Variants in IFIH1 observed in about 807,000 individuals in gnomAD.
IFIH1 encodes the protein interferon induced with helicase C domain 1, also known as interferon-induced helicase C domain-containing protein 1.
A neutral mutation model predicts 107.4 loss-of-function variants in IFIH1; 125 were observed. That is an observed-to-expected ratio of 1.16 (90% CI 1.01 to 1.35). The LOEUF (loss-of-function observed/expected upper bound fraction) is 1.35. Ranked by LOEUF, IFIH1 falls within the 40% of genes most tolerant of loss-of-function variation. The pLI is 0.00. For missense variants in IFIH1, 1,333 were observed against 1,213.7 expected, an observed-to-expected ratio of 1.10 and a Z score of -1.46; for synonymous variants, 458 against 413.2, an observed-to-expected ratio of 1.11 and a Z score of -1.31.
rs1337338749 is a variant in IFIH1 at position 162,293,551 on chromosome 2, A to C, written c.874+13T>G. On this transcript the variant is annotated intron_variant, in intron 4 of 15. Transcript: ENST00000649979. ...TCACACTTTTTAAGGTTTACACAACAGTTAGGCAGTACCTGAATCACTTCC... is the reference window on the plus strand; with the variant it reads ...TCACACTTTTTAAGGTTTACACAACCGTTAGGCAGTACCTGAATCACTTCC... The C allele has an allele frequency of 1.3e-6, 2 of 1,558,406 alleles. No homozygotes were observed. The highest frequency in any genetic ancestry group is 1.1e-5 in the South Asian group (1 of 89,554).
chr2:162,288,897 T>G (rs1021408287), intron 4 of IFIH1, among the ~76,000 whole-genome samples: 2 of 149,148 alleles, frequency 1.3e-5, no homozygotes, highest in African/African-American at 5.0e-5. Flanking sequence ...AAACTTTATC[T>G]GACAACCAAA....
intron 1 of IFIH1, among the ~76,000 whole-genome samples, chr2:162,313,853 C>T (rs1415086674): frequency 2.6e-5 from 4 of 151,936 alleles, no homozygotes; most frequent in Non-Finnish European, 4.4e-5. Context: ...CTTATCTTTC[C>T]TAATTTGCCA....
rs187100003 is a variant in IFIH1, at chr2:162,282,269, A to G, written c.1306+97T>C. 2.6e-5 allele frequency: 20 copies of G among 767,092 alleles called. No homozygotes were observed. The East Asian group carries it at 5.6e-4, about 21-fold the overall frequency. The allele number at this position is 767,092 out of a possible 1,614,324, so 47.5% of individuals were successfully genotyped here. A position where few individuals can be genotyped will look rare whatever the true frequency, so the allele number is the denominator to read the frequency against. ...ATAAAACCATAAGCAATAAAAGACA[A>G]TTTAAGCCACGAACATTTAAAAAAT... is the stretch of plus-strand genomic sequence containing the variant. On this transcript the variant is annotated intron_variant, in intron 6 of 15. Transcript: ENST00000649979.
intron 3 of IFIH1, among the ~76,000 whole-genome samples, chr2:162,295,533 A>C (rs1683071773): frequency 6.6e-6 from 1 of 152,014 alleles, no homozygotes; most frequent in Admixed American, 6.6e-5. Flanking sequence ...AAAAATTAAA[A>C]GTAAGCTGAT....
chr2:162,315,023 C>T (rs1020155202), intron 1 of IFIH1, among the ~76,000 whole-genome samples: 9 of 151,990 alleles, frequency 5.9e-5, no homozygotes, highest in East Asian at 1.9e-4. Flanking sequence ...GCTGTAATTA[C>T]GGGCAGGGGC....
At position 162,281,342 on chromosome 2, in the gene IFIH1, C is replaced by A. The variant is rs772032662; in HGVS notation, c.1510G>T (p.Glu504Ter). ...GGATKQAKAE[E>*]HILKLCANLD... ...TTATGACTTACTTTTAAAATGTGTT[C>A]TTCAGCTTTGGCTTGCTTCGTGGCC... The change falls in exon 7 of 16, where the codon GAA (glutamate) becomes TAA (stop). Residue 504 changes from glutamate (E) to a stop codon, truncating the protein, a stop_gained. Coordinates refer to ENST00000649979, the MANE Select transcript of IFIH1 (RefSeq NM_022168.4). LOFTEE classifies it high-confidence loss of function. 1 of 1,611,870 alleles carries A rather than the reference C, an allele frequency of 6.2e-7. No homozygotes were observed. The highest frequency in any genetic ancestry group is 1.1e-5 in the South Asian group (1 of 90,938).
chr2:162,282,638 A>G (rs551415225), intron 5 of IFIH1, 62 bp from the exon 6 acceptor site: 3 of 1,059,520 alleles, frequency 2.8e-6, no homozygotes, highest in East Asian at 2.6e-5. Context: ...AAGAGTGTTG[A>G]TCAAAGGCCT....
At chr2:162,297,660 T>C (rs1156301987) in intron 3 of IFIH1, among the ~76,000 whole-genome samples, 1 of 152,160 alleles carries the variant, frequency 6.6e-6, no homozygotes, top group African/African-American at 2.4e-5. Context: ...TGTCATTTCC[T>C]CTAGGGAAAA....
Position 162,288,338 on chromosome 2 carries a change from C to T in IFIH1, c.892G>A (p.Ala298Thr), listed in dbSNP as rs1382797011. ...AGTTCTGGCTCCGGGGATGCTCTTG[C>T]TGCCACATTCTCTTCATCTGAAGAA... ...GSDSDEENVA[A>T]RASPEPELQL... The change falls in exon 5 of 16, where the codon GCA becomes ACA. Residue 298 changes from alanine to threonine, a missense_variant. Physicochemically the swap from Ala to Thr is moderately conservative, Grantham distance 58 (BLOSUM62 0). Coordinates refer to ENST00000649979, the MANE Select transcript of IFIH1 (RefSeq NM_022168.4). 6.2e-7 allele frequency: 1 copy of T among 1,612,194 alleles called. No homozygotes were observed. The highest frequency in any genetic ancestry group is 8.5e-7 in the Non-Finnish European group (1 of 1,178,848).
chr2:162,267,678 A>C lies in IFIH1; in HGVS notation c.2808-109T>G, dbSNP rs1444817365. 4.4e-5 allele frequency: 35 copies of C among 793,146 alleles called. No homozygotes were observed. The East Asian group carries it at 8.2e-4, about 19-fold the overall frequency. 49.1% of individuals were successfully genotyped at this position (793,146 alleles called of 1,614,324 possible). On this transcript the variant is annotated intron_variant, in intron 14 of 15. Transcript: ENST00000649979. ...CATCCGCATGCCTGCGGTATTCTAC[A>C]CGGCATTCCTTCCTTCCCTCCTGCT...
At chr2:162,304,442 A>T (rs1168603533) in intron 3 of IFIH1, among the ~76,000 whole-genome samples, 1 of 152,166 alleles carries the variant, frequency 6.6e-6, no homozygotes, top group Non-Finnish European at 1.5e-5. Flanking sequence ...AGCCTGGGCG[A>T]CAGAGAGACA....
In IFIH1 at chr2:162,314,689, C is replaced by T. The variant is rs573202460; in HGVS notation, c.453+3166G>A. Among the ~76,000 whole-genome samples, 11 of 151,770 alleles carry T rather than the reference C, an allele frequency of 7.2e-5. 1 individual carries two copies. Among genetic ancestry groups the T allele is most frequent in the South Asian group, 4.2e-4 (2 of 4,802 alleles). On this transcript the variant is annotated intron_variant, in intron 1 of 15. Transcript: ENST00000649979. ...ATTTTTAGTAGAGACGGAGTTTTAC[C>T]GTGTTAGCCAGGATGGTCTCCATCT...
intron 1 of IFIH1, among the ~76,000 whole-genome samples, chr2:162,313,348 C>G (rs1387402522): frequency 6.6e-6 from 1 of 152,182 alleles, no homozygotes; most frequent in East Asian, 1.9e-4. Flanking sequence ...ACAATTCTCA[C>G]CCATGCCCCT....
In IFIH1 at chr2:162,273,787, GA is replaced by G; in HGVS notation, c.2454+7del. On this transcript the variant is annotated splice_region_variant and intron_variant, in intron 12 of 15. Transcript: ENST00000649979. ...ATTAACATAGTAAGTAGAGGTATTT[GA>G]ATGTACCTGGACCATGGCTATTTCA... is the stretch of plus-strand genomic sequence containing the variant. The G allele has an allele frequency of 1.3e-6, 2 of 1,534,636 alleles. No individual in the cohort carries two copies. The highest frequency in any genetic ancestry group is 1.8e-6 in the Non-Finnish European group (2 of 1,141,178).
chr2:162,311,326 T>C (rs1683381869), intron 1 of IFIH1, among the ~76,000 whole-genome samples: 1 of 152,134 alleles, frequency 6.6e-6, no homozygotes, highest in Non-Finnish European at 1.5e-5. Flanking sequence ...TTTCTGTATA[T>C]CTAGGGCTGG....
rs200389061 is a variant in IFIH1, at chr2:162,276,752, C to T, written c.2239G>A (p.Val747Ile). ...ATCAGATGGTGGGCTTTGACTCCTA[C>T]TTCAGCAAATTTTTCATTTTCAGTA... Reference protein sequence around the residue: ...WITENEKFAEVGVKAHHLIGA... With the variant: ...WITENEKFAEIGVKAHHLIGA... Residue 747 changes from valine to isoleucine, a missense_variant, in exon 11 of 16, where the codon GTA becomes ATA. By Grantham distance (29) the Val-to-Ile change is conservative (BLOSUM62 3). Transcript: ENST00000649979. 220 of 1,613,914 alleles carry T rather than the reference C, an allele frequency of 1.4e-4. 1 individual carries two copies. The highest frequency in any genetic ancestry group is 3.2e-5 in the Non-Finnish European group (38 of 1,179,952).
chr2:162,269,390 G>A (rs761789674), intron 13 of IFIH1, among the ~76,000 whole-genome samples: 3 of 152,194 alleles, frequency 2.0e-5, no homozygotes, highest in Non-Finnish European at 2.9e-5. Context: ...ATAAAAAGGA[G>A]AGAAAAGGCC....
At chr2:162,295,618 G>A (rs1056442963) in intron 3 of IFIH1, among the ~76,000 whole-genome samples, 2 of 151,970 alleles carry the variant, frequency 1.3e-5, no homozygotes, top group South Asian at 2.1e-4. Flanking sequence ...ATATACTAAT[G>A]TGAAAATACT....
chr2:162,301,331 G>T (rs148412518), intron 3 of IFIH1, among the ~76,000 whole-genome samples: 3 of 152,074 alleles, frequency 2.0e-5, no homozygotes, highest in African/African-American at 7.2e-5. Context: ...AATCTTTCAC[G>T]CTGAAACAGT....
Sources: allele counts gnomAD v4.1 joint callset (sites outside exome capture counted in the v4.1 genomes callset), GRCh38; gene constraint gnomAD v4.1.1; transcripts MANE v1.5; gene names NCBI Gene and HGNC (gene_info 2026-07-23, HGNC 2026-07-21).